SULF1: variants seen among roughly 807,000 people sequenced by gnomAD.
SULF1 encodes the protein sulfatase 1.
SULF1 carries 46 observed loss-of-function variants against 110.5 expected under a neutral mutation model. That is an observed-to-expected ratio of 0.42 (90% CI 0.33 to 0.53). The LOEUF (loss-of-function observed/expected upper bound fraction) is 0.53. Ranked by LOEUF, SULF1 falls within the 20% of genes least tolerant of loss-of-function variation. The pLI, the probability that SULF1 is intolerant of heterozygous loss-of-function variation, is 0.12. For missense variants in SULF1, 941 were observed against 1,094.2 expected, an observed-to-expected ratio of 0.86 and a Z score of 1.98; for synonymous variants, 371 against 387.1, an observed-to-expected ratio of 0.96 and a Z score of 0.49.
chr8:69,653,538 C>T (rs535021413), intron 22 of SULF1, among the ~76,000 whole-genome samples: 3 of 152,380 alleles, frequency 2.0e-5, no homozygotes, highest in South Asian at 2.1e-4. Context: ...GCTACCTTCA[C>T]GGCATGTGGT....
chr8:69,643,779 A>G (rs1205581035), intron 22 of SULF1, among the ~76,000 whole-genome samples: 2 of 152,186 alleles, frequency 1.3e-5, no homozygotes, highest in Non-Finnish European at 2.9e-5. Flanking sequence ...TCCAGTTAGG[A>G]CAAGCTCAAA....
chr8:69,628,033 A>G (rs1810231705), intron 17 of SULF1, 138 bp from the exon 18 acceptor site: 1 of 904,866 alleles, frequency 1.1e-6, no homozygotes, highest in African/African-American at 1.7e-5. Context: ...TTAAGCAGAA[A>G]GTAAAAAGTC....
chr8:69,561,511 T>C (rs1460653833), intron 3 of SULF1, among the ~76,000 whole-genome samples: 1 of 152,228 alleles, frequency 6.6e-6, no homozygotes, highest in Non-Finnish European at 1.5e-5. Context: ...CAATGTTGAT[T>C]GGGTTCCAGC....
intron 21 of SULF1, 79 bp downstream of exon 21, chr8:69,638,937 T>C: frequency 7.4e-7 from 1 of 1,355,380 alleles, no homozygotes; most frequent in Non-Finnish European, 1.0e-6. Flanking sequence ...TGGAAACATT[T>C]AATTGCACAG....
At chr8:69,477,509 C>T (rs1214374793) in intron 1 of SULF1, among the ~76,000 whole-genome samples, 1 of 152,030 alleles carries the variant, frequency 6.6e-6, no homozygotes, top group Non-Finnish European at 1.5e-5. Flanking sequence ...TCTTGTTGCG[C>T]AAATAAAATT....
At chr8:69,588,190 C>T (rs1806606372) in intron 7 of SULF1, among the ~76,000 whole-genome samples, 1 of 152,140 alleles carries the variant, frequency 6.6e-6, no homozygotes, top group Non-Finnish European at 1.5e-5. Flanking sequence ...ATTCCATTTC[C>T]TCCCTCCCTC....
intron 1 of SULF1, among the ~76,000 whole-genome samples, chr8:69,470,760 C>T (rs527253496): frequency 5.3e-5 from 8 of 152,262 alleles, no homozygotes; most frequent in African/African-American, 1.9e-4. Flanking sequence ...AATTTCAGTC[C>T]TATTCTAATG....
intron 17 of SULF1, 98 bp downstream of exon 17, chr8:69,627,964 T>TC: frequency 1.0e-6 from 1 of 962,934 alleles, no homozygotes; most frequent in Non-Finnish European, 1.6e-6. Flanking sequence ...ACCTATAGAA[T>TC]GTATTGTCAT....
At chr8:69,653,828 G>T (rs1479881397) in intron 22 of SULF1, among the ~76,000 whole-genome samples, 1 of 152,152 alleles carries the variant, frequency 6.6e-6, no homozygotes, top group East Asian at 1.9e-4. Context: ...GATTGCAAGG[G>T]CGTTAGGATC....
chr8:69,564,645 G>A (rs897384406), intron 5 of SULF1, among the ~76,000 whole-genome samples: 2 of 152,206 alleles, frequency 1.3e-5, no homozygotes, highest in African/African-American at 4.8e-5. Flanking sequence ...TTTTGGTAGA[G>A]AATCCACTTA....
intron 22 of SULF1, among the ~76,000 whole-genome samples, chr8:69,656,963 T>G (rs987629481): frequency 1.3e-5 from 2 of 152,214 alleles, no homozygotes; most frequent in Non-Finnish European, 2.9e-5. Flanking sequence ...TTCCTACTTC[T>G]CTGCAACCTT....
intron 13 of SULF1, among the ~76,000 whole-genome samples, chr8:69,606,584 T>A (rs1808237308): frequency 6.6e-6 from 1 of 152,226 alleles, no homozygotes; most frequent in Non-Finnish European, 1.5e-5. Flanking sequence ...GTACACTGCC[T>A]ACATTTCAGT....
chr8:69,651,056 C>CTTTTT (rs1473830022), intron 22 of SULF1, among the ~76,000 whole-genome samples: 87 of 137,470 alleles, frequency 6.3e-4, no homozygotes, highest in African/African-American at 2.3e-3. Context: ...TTTTTCTTTT[C>CTTTTT]TTTTTTTTTT....
intron 15 of SULF1, among the ~76,000 whole-genome samples, chr8:69,624,803 A>G (rs553200114): frequency 2.0e-5 from 3 of 152,314 alleles, no homozygotes; most frequent in African/African-American, 7.2e-5. Context: ...ATTCCCTCAT[A>G]AGTTTAATGA....
chr8:69,624,223 G>A (rs759875151), intron 15 of SULF1, 26 bp downstream of exon 15: 1 of 1,539,774 alleles, frequency 6.5e-7, no homozygotes, highest in Non-Finnish European at 8.7e-7. Flanking sequence ...TTGTTCACTA[G>A]GGTTGAGTTC....
At chr8:69,516,852 A>T (rs1275604564) in intron 3 of SULF1, among the ~76,000 whole-genome samples, 1 of 152,218 alleles carries the variant, frequency 6.6e-6, no homozygotes, top group African/African-American at 2.4e-5. Context: ...TTTTACAGAT[A>T]CATTAAAAAA....
intron 7 of SULF1, among the ~76,000 whole-genome samples, chr8:69,588,314 T>C (rs1407572035): frequency 6.6e-6 from 1 of 152,212 alleles, no homozygotes; most frequent in Non-Finnish European, 1.5e-5. Context: ...CAGTATAATC[T>C]GCAGGAAATC....
intron 8 of SULF1, chr8:69,597,584 A>C (rs1360880360): frequency 1.3e-5 from 2 of 152,196 alleles, no homozygotes; most frequent in Non-Finnish European, 2.9e-5. Context: ...TGAGGCTTGT[A>C]ATTTGCTGCA....
intron 1 of SULF1, among the ~76,000 whole-genome samples, chr8:69,480,810 T>C (rs1809485624): frequency 6.6e-6 from 1 of 150,476 alleles, no homozygotes; most frequent in South Asian, 2.1e-4. Context: ...TCACTGCATG[T>C]TCTCACTCAT....
Sources: allele counts gnomAD v4.1 joint callset (sites outside exome capture counted in the v4.1 genomes callset), GRCh38; gene constraint gnomAD v4.1.1; transcripts MANE v1.5; gene names NCBI Gene and HGNC (gene_info 2026-07-23, HGNC 2026-07-21).